The following PPP1R37 variants were observed in gnomAD, a reference collection of about 807,000 sequenced individuals.
PPP1R37 encodes the protein leucine rich repeat containing 68.
PPP1R37 carries 21 observed loss-of-function variants against 61.0 expected under a neutral mutation model. The observed-to-expected ratio is 0.34, with a 90% CI of 0.24 to 0.50. The LOEUF is 0.50. Ranked by LOEUF, PPP1R37 falls within the 20% of genes least tolerant of loss-of-function variation. PPP1R37 has a pLI of 0.98. For missense variants in PPP1R37, 910 were observed against 952.7 expected (o/e 0.96, Z 0.59); for synonymous variants, 443 against 433.5 (o/e 1.02, Z -0.27).
chr19:45,123,857 G>C (rs1364682021), intron 1 of PPP1R37, among the ~76,000 whole-genome samples: 1 of 152,194 alleles, frequency 6.6e-6, no homozygotes, highest in East Asian at 1.9e-4. Context: ...CTTGTTCACT[G>C]GGCCAAGTCC....
chr19:45,133,847 G>C (rs962253744), intron 1 of PPP1R37, among the ~76,000 whole-genome samples: 2 of 152,238 alleles, frequency 1.3e-5, no homozygotes, highest in African/African-American at 4.8e-5. Context: ...ATGGGTCCAA[G>C]CTGGCCCTGT....
intron 1 of PPP1R37, among the ~76,000 whole-genome samples, chr19:45,115,903 A>G (rs915138953): frequency 6.6e-6 from 1 of 151,744 alleles, no homozygotes; most frequent in African/African-American, 2.4e-5. Flanking sequence ...GAACCCAGGA[A>G]GCGGAAGTTG....
At chr19:45,145,283 G>T (rs1249015115) in intron 10 of PPP1R37, 23 bp downstream of exon 10, 2 of 1,525,280 alleles carry the variant, frequency 1.3e-6, no homozygotes, top group Non-Finnish European at 1.8e-6. Context: ...CGGTCCTGCA[G>T]CCCTGGGGCG....
chr19:45,145,506 C>T lies in PPP1R37; in HGVS notation c.1450C>T (p.Pro484Ser), dbSNP rs1232543730. Reference sequence around the variant, plus strand: ...TGAGACCACCGCCACCGAGCCCCAGCCCGACGACGAGCCCGCCGCTGGGGT... The same window carrying T: ...TGAGACCACCGCCACCGAGCCCCAGTCCGACGACGAGCCCGCCGCTGGGGT... ...MPETTATEPQ[P>S]DDEPAAGVQN... The change falls in exon 11 of 13, where the codon CCC becomes TCC. Residue 484 changes from proline (P) to serine (S), a missense_variant. Around this residue, in one of 3 missense-constraint regions of PPP1R37, gnomAD observed 549 missense variants for 505.1 expected, o/e 1.09. Transcript: ENST00000221462. 2 of 1,534,102 alleles carry T rather than the reference C, an allele frequency of 1.3e-6. No individual in the cohort carries two copies. The highest frequency in any genetic ancestry group is 1.7e-6 in the Non-Finnish European group (2 of 1,146,112).
chr19:45,112,273 A>G (rs547195575), intron 1 of PPP1R37, among the ~76,000 whole-genome samples: 108 of 152,226 alleles, frequency 7.1e-4, no homozygotes, highest in Non-Finnish European at 9.7e-4. Flanking sequence ...CTTCTGATAC[A>G]TTTCACCTGG....
In PPP1R37 at chr19:45,142,379, G is replaced by A. The variant is rs531551526; in HGVS notation, c.795G>A (p.Ser265=). The A allele has an allele frequency of 1.0e-5, 16 of 1,536,090 alleles. No individual in the cohort carries two copies. Among genetic ancestry groups the A allele is most frequent in the African/African-American group, 2.7e-5 (2 of 73,170 alleles). The change falls in exon 7 of 13, where the codon TCG becomes TCA. Residue 265 remains serine (S), a synonymous_variant. Coordinates refer to ENST00000221462, the MANE Select transcript of PPP1R37 (RefSeq NM_019121.2). Reference sequence around the variant, plus strand: ...ACAAGCTCAACGGCCTGCAGGACTCGGCCCAGCTGGGTAACCTGCTCAAGT... The same window carrying A: ...ACAAGCTCAACGGCCTGCAGGACTCAGCCCAGCTGGGTAACCTGCTCAAGT... The part of the protein sequence containing the change: ...ADNKLNGLQD[S]AQLGNLLKFN...
chr19:45,146,647 T>A lies in PPP1R37; in HGVS notation c.*85T>A. ...CTGCTCACCTTCCCCCCAGCCTTCC[T>A]GAGGCCCAGGATGCCAGGGGTGGGG... On this transcript the variant is annotated 3_prime_UTR_variant, in exon 13 of 13. Transcript: ENST00000221462. The A allele has an allele frequency of 1.7e-6, 1 of 583,392 alleles. No homozygotes were observed. Among genetic ancestry groups the A allele is most frequent in the Non-Finnish European group, 3.0e-6 (1 of 331,488 alleles). 36.1% of individuals were successfully genotyped at this position (583,392 alleles called of 1,614,324 possible). A position where few individuals can be genotyped will look rare whatever the true frequency, so the allele number is the denominator to read the frequency against.
At chr19:45,125,169 T>A (rs528565545) in intron 1 of PPP1R37, among the ~76,000 whole-genome samples, 74 of 152,196 alleles carry the variant, frequency 4.9e-4, no homozygotes, top group African/African-American at 1.7e-3. Flanking sequence ...AATATCTCTT[T>A]AATCTCTGAG....
At chr19:45,114,938 C>T (rs539613655) in intron 1 of PPP1R37, among the ~76,000 whole-genome samples, 3 of 152,316 alleles carry the variant, frequency 2.0e-5, no homozygotes, top group Admixed American at 1.3e-4. Context: ...ACTCCCCCTA[C>T]ACATCCCAGC....
At chr19:45,134,424 C>T (rs1051723410) in intron 1 of PPP1R37, among the ~76,000 whole-genome samples, 2 of 152,134 alleles carry the variant, frequency 1.3e-5, no homozygotes, top group Non-Finnish European at 2.9e-5. Flanking sequence ...GCTGTCAGCG[C>T]GAACTTCCTC....
chr19:45,109,386 G>T (rs938048612), intron 1 of PPP1R37, among the ~76,000 whole-genome samples: 1 of 152,302 alleles, frequency 6.6e-6, no homozygotes, highest in African/African-American at 2.4e-5. Flanking sequence ...AGGAGGCAGT[G>T]GCAGCCCAGG....
rs28671580 is a variant in PPP1R37, at chr19:45,132,482, T to C, written c.203-6032T>C. Among the ~76,000 whole-genome samples the C allele has an allele frequency of 3.6e-3, 554 of 152,282 alleles. 4 individuals carry two copies. Among genetic ancestry groups the C allele is most frequent in the African/African-American group, 0.013 (522 of 41,566 alleles). On this transcript the variant is annotated intron_variant, in intron 1 of 12. Coordinates refer to ENST00000221462, the MANE Select transcript of PPP1R37 (RefSeq NM_019121.2). ...TAATTTTTGTATTTTTTGTTTGTTT[T>C]GTAGAGACAGGGTCTCACTTTGTTG... is the stretch of plus-strand genomic sequence containing the variant.
At chr19:45,134,720 C>T (rs936584360) in intron 1 of PPP1R37, among the ~76,000 whole-genome samples, 5 of 152,002 alleles carry the variant, frequency 3.3e-5, no homozygotes, top group Non-Finnish European at 7.4e-5. Context: ...CCACCACGCC[C>T]GGCTAATTTT....
intron 1 of PPP1R37, among the ~76,000 whole-genome samples, chr19:45,099,210 G>A (rs1441675105): frequency 1.3e-5 from 2 of 152,146 alleles, no homozygotes; most frequent in Non-Finnish European, 2.9e-5. Flanking sequence ...CAGCGTCCCT[G>A]CTTTCCCTCA....
chr19:45,146,253 GT>G (rs1968698615), intron 11 of PPP1R37, 136 bp from the exon 12 acceptor site: 2 of 792,008 alleles, frequency 2.5e-6, no homozygotes, highest in Non-Finnish European at 3.9e-6. Context: ...CATGTAAGGT[GT>G]GCTGCCTTGA....
chr19:45,119,819 A>AC (rs1448455026), intron 1 of PPP1R37, among the ~76,000 whole-genome samples: 1 of 151,270 alleles, frequency 6.6e-6, no homozygotes, highest in African/African-American at 2.4e-5. Context: ...AGCCAGCTCC[A>AC]CCCCCCAGCA....
chr19:45,146,461 G>A lies in PPP1R37; in HGVS notation c.2065G>A (p.Glu689Lys). Residue 689 changes from glutamate (E) to lysine (K), a missense_variant, in exon 12 of 13, where the codon GAG becomes AAG. Coordinates refer to ENST00000221462, the MANE Select transcript of PPP1R37 (RefSeq NM_019121.2). ...GGAAGCCAGTCAGGAATCCGGGCAGGAGACACTGTGACACTTTAGGTGAGG... is the reference window on the plus strand; with the variant it reads ...GGAAGCCAGTCAGGAATCCGGGCAGAAGACACTGTGACACTTTAGGTGAGG... The part of the protein sequence containing the change: ...LLEASQESGQ[E>K]TL 1.3e-6 allele frequency: 2 copies of A among 1,535,632 alleles called. No individual in the cohort carries two copies. The highest frequency in any genetic ancestry group is 1.7e-6 in the Non-Finnish European group (2 of 1,146,666).
intron 1 of PPP1R37, among the ~76,000 whole-genome samples, chr19:45,096,212 A>G (rs1303761570): frequency 1.3e-5 from 2 of 152,054 alleles, no homozygotes; most frequent in South Asian, 2.1e-4. Context: ...AGAGGCTTCC[A>G]GGAGAGGGGA....
At chr19:45,106,326 T>C (rs1471894634) in intron 1 of PPP1R37, among the ~76,000 whole-genome samples, 2 of 151,892 alleles carry the variant, frequency 1.3e-5, no homozygotes, top group Non-Finnish European at 2.9e-5. Flanking sequence ...ACTGAAACCT[T>C]TGCCTCCCAA....
Sources: gnomAD v4.1 joint callset for allele counts (sites outside exome capture counted in the v4.1 genomes callset) on GRCh38, gnomAD v4.1.1 for gene constraint, gnomAD v4.1.1 regional missense constraint, MANE v1.5 for transcripts, NCBI Gene and HGNC (gene_info 2026-07-23, HGNC 2026-07-21) for gene names.